UACA: variants seen among roughly 807,000 people sequenced by gnomAD.
UACA encodes the protein uveal autoantigen with coiled-coil domains and ankyrin repeats.
UACA carries 112 observed loss-of-function variants against 160.5 expected under a neutral mutation model. That is an observed-to-expected ratio of 0.70 (90% CI 0.60 to 0.82). UACA has a LOEUF of 0.82. Ranked by LOEUF, UACA falls within the 40% of genes least tolerant of loss-of-function variation. UACA has a pLI of 0.00. For synonymous variants in UACA, 557 were observed against 568.4 expected (o/e 0.98, Z 0.29); for missense variants, 1,574 against 1,614.6 (o/e 0.97, Z 0.43).
In UACA at chr15:70,667,336, C is replaced by T. The variant is rs1486338070; in HGVS notation, c.3348G>A (p.Gln1116=). Reference sequence around the variant, plus strand: ...TAAGAGATTTTTTCAGAGCCTCAACCTGTTCCAATGGAACATGTTGTTTTT... The same window carrying T: ...TAAGAGATTTTTTCAGAGCCTCAACTTGTTCCAATGGAACATGTTGTTTTT... The part of the protein sequence containing the change: ...LLQKQHVPLE[Q]VEALKKSLNG... The change falls in exon 16 of 19, where the codon CAG becomes CAA. Residue 1116 remains glutamine, a synonymous_variant. Coordinates refer to ENST00000322954, the MANE Select transcript of UACA (RefSeq NM_018003.4). 6.2e-7 allele frequency: 1 copy of T among 1,612,962 alleles called. No homozygotes were observed. Among genetic ancestry groups the T allele is most frequent in the African/African-American group, 1.3e-5 (1 of 74,948 alleles).
chr15:70,728,516 T>C (rs189975939), intron 1 of UACA, among the ~76,000 whole-genome samples: 143 of 149,626 alleles, frequency 9.6e-4, no homozygotes, highest in Middle Eastern at 6.9e-3. Context: ...TGAGCCGAGA[T>C]TGCACCACTG....
intron 1 of UACA, among the ~76,000 whole-genome samples, chr15:70,728,982 T>C (rs1455894943): frequency 1.3e-5 from 2 of 152,186 alleles, no homozygotes; most frequent in Non-Finnish European, 1.5e-5. Flanking sequence ...AAAACTGCAA[T>C]GAGTTACCAT....
Position 70,668,512 on chromosome 15 carries a change from C to A in UACA, c.2172G>T (p.Leu724Phe), listed in dbSNP as rs763604401. The A allele has an allele frequency of 1.2e-6, 2 of 1,610,140 alleles. No homozygotes were observed. The highest frequency in any genetic ancestry group is 4.5e-5 in the East Asian group (2 of 44,840). Reference sequence around the variant, plus strand: ...CTTGCTCCTTGAGGAGCTTATTATCCAAATAAACTTTTTCAATTTCCTTTT... The same window carrying A: ...CTTGCTCCTTGAGGAGCTTATTATCAAAATAAACTTTTTCAATTTCCTTTT... Reference protein sequence around the residue: ...TLQKEIEKVYLDNKLLKEQAH... With the variant: ...TLQKEIEKVYFDNKLLKEQAH... Residue 724 changes from leucine to phenylalanine, a missense_variant, in exon 16 of 19, where the codon TTG becomes TTT. Coordinates refer to ENST00000322954, the MANE Select transcript of UACA (RefSeq NM_018003.4).
chr15:70,676,692 G>A, intron 12 of UACA, 101 bp from the exon 13 acceptor site: 1 of 898,008 alleles, frequency 1.1e-6, no homozygotes, highest in Admixed American at 2.3e-5. Context: ...TTGAGGACTG[G>A]AGTTAATGAA....
chr15:70,698,000 A>C (rs1326194705), intron 2 of UACA, among the ~76,000 whole-genome samples: 2 of 152,218 alleles, frequency 1.3e-5, no homozygotes, highest in Non-Finnish European at 2.9e-5. Flanking sequence ...CAGTGAGCCA[A>C]GATTGTGCCA....
At chr15:70,770,787 C>A in the UACA span, among the ~76,000 whole-genome samples, 1 of 152,198 alleles carries the variant, frequency 6.6e-6, no homozygotes, top group Non-Finnish European at 1.5e-5. Context: ...ACTACTGAGA[C>A]ATTGAGCTCT....
intron 3 of UACA, among the ~76,000 whole-genome samples, chr15:70,693,135 A>G (rs1156324866): frequency 6.6e-6 from 1 of 152,232 alleles, no homozygotes; most frequent in Non-Finnish European, 1.5e-5. Context: ...AAGAGATAGC[A>G]TGGAGTGGAG....
intron 3 of UACA, among the ~76,000 whole-genome samples, chr15:70,693,839 T>C (rs1227041896): frequency 6.6e-6 from 1 of 152,126 alleles, no homozygotes; most frequent in Non-Finnish European, 1.5e-5. Flanking sequence ...CCAAAATTTC[T>C]AAAAATAAAT....
intron 1 of UACA, among the ~76,000 whole-genome samples, chr15:70,718,332 G>C (rs1898888675): frequency 8.0e-6 from 1 of 125,494 alleles, no homozygotes; most frequent in African/African-American, 3.4e-5. Flanking sequence ...GAATGTGTGT[G>C]TGTGTGTGTG....
intron 1 of UACA, among the ~76,000 whole-genome samples, chr15:70,710,422 C>T (rs111902800): frequency 1.1e-4 from 16 of 152,272 alleles, no homozygotes; most frequent in African/African-American, 3.9e-4. Context: ...GAGGTTTTCC[C>T]CACTTACAGA....
chr15:70,702,781 C>T (rs1170620999), intron 1 of UACA, among the ~76,000 whole-genome samples: 3 of 152,348 alleles, frequency 2.0e-5, no homozygotes, highest in Non-Finnish European at 4.4e-5. Context: ...CAGGTTTCAG[C>T]TTACAACTGC....
intron 1 of UACA, among the ~76,000 whole-genome samples, chr15:70,740,531 G>A (rs887542989): frequency 6.6e-6 from 1 of 151,676 alleles, no homozygotes; most frequent in African/African-American, 2.4e-5. Context: ...CAGCTACACG[G>A]GAGGCTGAGG....
At chr15:70,739,899 AC>A (rs1311809478) in intron 1 of UACA, among the ~76,000 whole-genome samples, 1 of 152,158 alleles carries the variant, frequency 6.6e-6, no homozygotes, top group Non-Finnish European at 1.5e-5. Context: ...TTCATGCATG[AC>A]CCTGGCAATT....
intron 1 of UACA, among the ~76,000 whole-genome samples, chr15:70,707,299 T>C (rs760994082): frequency 6.6e-6 from 1 of 152,184 alleles, no homozygotes; most frequent in Non-Finnish European, 1.5e-5. Context: ...ATTGAAGACC[T>C]AAACATAAGA....
upstream of UACA, chr15:70,763,607 G>T: frequency 3.5e-6 from 4 of 1,142,462 alleles, no homozygotes; most frequent in East Asian, 3.2e-5. Context: ...CCGCTGCCCT[G>T]GCGGGGGCGT....
At chr15:70,688,930 CTCT>C (rs912504163) in intron 5 of UACA, among the ~76,000 whole-genome samples, 1 of 152,174 alleles carries the variant, frequency 6.6e-6, no homozygotes, top group Non-Finnish European at 1.5e-5. Flanking sequence ...ATTTGTTCTC[CTCT>C]TCTTCTACTA....
At position 70,678,196 on chromosome 15, in the gene UACA, A is replaced by C. The variant is rs1897357017; in HGVS notation, c.902T>G (p.Ile301Ser). ...REHQNIQDLE[I>S]ENEDLKERLR... is the part of the protein sequence containing the mutation. ...CCTCTCTTTCAAATCTTCATTTTCA[A>C]TCTCCAAATCCTTAAATAATAAAGA... The change falls in exon 11 of 19, where the codon ATT (isoleucine) becomes AGT (serine). Residue 301 changes from isoleucine to serine, a missense_variant. Physicochemically the swap from Ile to Ser is moderately radical, Grantham distance 142 (BLOSUM62 -2). Coordinates refer to ENST00000322954, the MANE Select transcript of UACA (RefSeq NM_018003.4). The C allele has an allele frequency of 6.2e-7, 1 of 1,607,204 alleles. No individual in the cohort carries two copies. The highest frequency in any genetic ancestry group is 1.3e-5 in the African/African-American group (1 of 74,578).
intron 18 of UACA, among the ~76,000 whole-genome samples, chr15:70,659,401 T>TG (rs1230632626): frequency 8.5e-6 from 1 of 117,412 alleles, no homozygotes; most frequent in Non-Finnish European, 1.7e-5. Flanking sequence ...GTTTGTTTTT[T>TG]TTTTTTTTTT....
Position 70,666,902 on chromosome 15 carries a change from A to T in UACA, c.3782T>A (p.Val1261Asp). 6.2e-6 allele frequency: 10 copies of T among 1,613,580 alleles called. No individual in the cohort carries two copies. Among genetic ancestry groups the T allele is most frequent in the Non-Finnish European group, 8.5e-6 (10 of 1,179,904 alleles). Residue 1261 changes from valine (V) to aspartate (D), a missense_variant, in exon 16 of 19, where the codon GTT becomes GAT. Transcript: ENST00000322954. ...NRKYEEVCEE[V>D]LHAKKKEISA... is the part of the protein sequence containing the mutation. ...TATTTCCTTCTTTTTGGCATGCAAA[A>T]CTTCCTCACATACTTCCTCATACTT...
Sources: allele counts gnomAD v4.1 joint callset (sites outside exome capture counted in the v4.1 genomes callset), GRCh38; gene constraint gnomAD v4.1.1; transcripts MANE v1.5; gene names NCBI Gene and HGNC (gene_info 2026-07-23, HGNC 2026-07-21).